CDH12: variants seen among roughly 807,000 people sequenced by gnomAD.
CDH12 encodes cadherin-12.
A neutral mutation model predicts 74.1 loss-of-function variants in CDH12; 41 were observed. That is an observed-to-expected ratio of 0.55 (90% CI 0.43 to 0.72). CDH12 has a LOEUF of 0.72. CDH12 is among the 30% of genes least tolerant of loss of function. CDH12 has a pLI of 0.00. For synonymous variants in CDH12, 399 were observed against 355.0 expected, an observed-to-expected ratio of 1.12 and a Z score of -1.39; for missense variants, 945 against 977.2, an observed-to-expected ratio of 0.97 and a Z score of 0.44.
At chr5:22,679,543 T>G (rs1741379845) in intron 1 of CDH12, among the ~76,000 whole-genome samples, 1 of 152,132 alleles carries the variant, frequency 6.6e-6, no homozygotes. Context: ...TTCTAAACAC[T>G]AATTGAATAT....
In CDH12 at chr5:22,294,180, T is replaced by C. The variant is rs148232297; in HGVS notation, c.-332-81537A>G. Among the ~76,000 whole-genome samples the C allele has an allele frequency of 5.9e-3, 889 of 151,856 alleles. 4 individuals carry two copies. The highest frequency in any genetic ancestry group is 0.017 in the Middle Eastern group (5 of 292). ...GATGTGAGATAGAGATAGAAAAGAATATAAAAATAGATCTATCAGCAAACA... is the reference window on the plus strand; with the variant it reads ...GATGTGAGATAGAGATAGAAAAGAACATAAAAATAGATCTATCAGCAAACA... On this transcript the variant is annotated intron_variant, in intron 3 of 14. Coordinates refer to ENST00000382254, the MANE Select transcript of CDH12 (RefSeq NM_004061.5).
intron 1 of CDH12, among the ~76,000 whole-genome samples, chr5:22,841,486 A>T (rs1313363973): frequency 6.6e-6 from 1 of 152,156 alleles, no homozygotes; most frequent in African/African-American, 2.4e-5. Flanking sequence ...AAAGTTGAGT[A>T]TAGGAGATTA....
At chr5:22,211,480 T>C (rs1364492500) in intron 4 of CDH12, among the ~76,000 whole-genome samples, 4 of 152,128 alleles carry the variant, frequency 2.6e-5, no homozygotes, top group Non-Finnish European at 4.4e-5. Flanking sequence ...ATTTAATTAC[T>C]CTTAATTACA....
chr5:22,438,440 A>G (rs903615269), intron 2 of CDH12, among the ~76,000 whole-genome samples: 1 of 152,080 alleles, frequency 6.6e-6, no homozygotes, highest in East Asian at 1.9e-4. Flanking sequence ...ACTATTCAGT[A>G]TTATAGAACC....
intron 1 of CDH12, among the ~76,000 whole-genome samples, chr5:22,566,287 G>A (rs1219241503): frequency 6.7e-6 from 1 of 150,254 alleles, no homozygotes; most frequent in East Asian, 2.0e-4. Context: ...GCTGAGGCTG[G>A]AGTGCAGTGG....
chr5:21,944,059 C>T (rs1755459739), intron 6 of CDH12, among the ~76,000 whole-genome samples: 1 of 152,138 alleles, frequency 6.6e-6, no homozygotes, highest in Admixed American at 6.5e-5. Context: ...TATTCACAAT[C>T]TCAGAATCAG....
At chr5:22,797,538 T>C (rs1748292829) in intron 1 of CDH12, among the ~76,000 whole-genome samples, 1 of 152,150 alleles carries the variant, frequency 6.6e-6, no homozygotes, top group South Asian at 2.1e-4. Flanking sequence ...AGGACTTAGA[T>C]ATATTATAAA....
intron 5 of CDH12, among the ~76,000 whole-genome samples, chr5:22,005,649 T>C (rs1736905698): frequency 6.6e-6 from 1 of 152,128 alleles, no homozygotes; most frequent in Non-Finnish European, 1.5e-5. Flanking sequence ...ATTTATTGTT[T>C]CTTTATCATT....
intron 6 of CDH12, among the ~76,000 whole-genome samples, chr5:21,932,509 C>T (rs1430918847): frequency 6.6e-6 from 1 of 152,132 alleles, no homozygotes; most frequent in Admixed American, 6.6e-5. Context: ...AAGTTTGAAA[C>T]ATCCAGAATT....
intron 6 of CDH12, among the ~76,000 whole-genome samples, chr5:21,872,816 A>G (rs1751701836): frequency 6.6e-6 from 1 of 151,608 alleles, no homozygotes; most frequent in Admixed American, 6.6e-5. Flanking sequence ...CTATCTATCT[A>G]TCTATCTATC....
At chr5:21,884,641 A>G (rs1418803739) in intron 6 of CDH12, among the ~76,000 whole-genome samples, 2 of 152,192 alleles carry the variant, frequency 1.3e-5, no homozygotes, top group Non-Finnish European at 2.9e-5. Context: ...TAAAATCAGG[A>G]TTTTAGTACT....
At chr5:22,555,631 T>G (rs1024195003) in intron 1 of CDH12, among the ~76,000 whole-genome samples, 2 of 152,034 alleles carry the variant, frequency 1.3e-5, no homozygotes, top group Non-Finnish European at 2.9e-5. Flanking sequence ...CACTTCAAAA[T>G]TCTTTATCAT....
chr5:22,093,044 G>C (rs1307762548), intron 4 of CDH12, among the ~76,000 whole-genome samples: 2 of 152,078 alleles, frequency 1.3e-5, no homozygotes, highest in African/African-American at 2.4e-5. Flanking sequence ...GCTGATGATA[G>C]GGGCTATTAT....
chr5:21,987,929 A>T (rs1757583372), intron 5 of CDH12, among the ~76,000 whole-genome samples: 1 of 151,944 alleles, frequency 6.6e-6, no homozygotes, highest in Non-Finnish European at 1.5e-5. Context: ...AGGGAAAAAA[A>T]ATCTCCTTCA....
rs1486821288 is a variant in CDH12 at position 22,732,467 on chromosome 5, TATATACACACACACAC to T, written c.-523+120575_-523+120590del. Among the ~76,000 whole-genome samples, 239 of 139,838 alleles carry T rather than the reference TATATACACACACACAC, an allele frequency of 1.7e-3. 1 individual carries two copies. The highest frequency in any genetic ancestry group is 6.0e-3 in the African/African-American group (218 of 36,284). 91.7% of individuals were successfully genotyped at this position (139,838 alleles called of 152,430 possible). ...ATGTGAATGTGTGTGTATATATATA[TATATACACACACACAC>T]ACACACACACACACACACATAAAAA... On this transcript the variant is annotated intron_variant, in intron 1 of 14. Transcript: ENST00000382254.
intron 6 of CDH12, among the ~76,000 whole-genome samples, chr5:21,957,560 C>A (rs1756158006): frequency 6.6e-6 from 1 of 152,162 alleles, no homozygotes; most frequent in African/African-American, 2.4e-5. Flanking sequence ...CTTTTCTCCA[C>A]AACCTGCCAG....
chr5:21,807,126 T>C (rs1747471020), intron 9 of CDH12, among the ~76,000 whole-genome samples: 1 of 152,172 alleles, frequency 6.6e-6, no homozygotes, highest in African/African-American at 2.4e-5. Context: ...TCTTTTGAGA[T>C]GTTTTTCACT....
intron 4 of CDH12, among the ~76,000 whole-genome samples, chr5:22,153,921 C>G (rs1233946391): frequency 1.4e-5 from 2 of 143,536 alleles, no homozygotes; most frequent in African/African-American, 5.1e-5. Flanking sequence ...CATACACACA[C>G]ACACACAAAC....
At chr5:22,715,831 G>T (rs1743545998) in intron 1 of CDH12, among the ~76,000 whole-genome samples, 1 of 149,706 alleles carries the variant, frequency 6.7e-6, no homozygotes, top group African/African-American at 2.5e-5. Context: ...AAAGAAAAAA[G>T]AAAAGAAAGA....
Sources: gnomAD v4.1 joint callset for allele counts (sites outside exome capture counted in the v4.1 genomes callset) on GRCh38, gnomAD v4.1.1 for gene constraint, MANE v1.5 for transcripts, NCBI Gene and HGNC (gene_info 2026-07-23, HGNC 2026-07-21) for gene names.